The following LLGL2 variants were observed in gnomAD, a reference collection of about 807,000 sequenced individuals.
LLGL2 encodes LLGL2, scribble cell polarity complex component.
In LLGL2, 81 loss-of-function variants were observed where a neutral mutation model predicts 123.2. The ratio of observed to expected loss-of-function variants is 0.66; its 90% CI spans 0.55 to 0.79. The LOEUF (loss-of-function observed/expected upper bound fraction) is 0.79, where lower values mean the gene tolerates loss of function less well. Ranked by LOEUF, LLGL2 falls within the 30% of genes least tolerant of loss-of-function variation. LLGL2 has a pLI of 0.00. For missense variants in LLGL2, 1,273 were observed against 1,414.6 expected, an observed-to-expected ratio of 0.90 and a Z score of 1.61; for synonymous variants, 577 against 594.1, an observed-to-expected ratio of 0.97 and a Z score of 0.42.
chr17:75,558,626 G>A lies in LLGL2; in HGVS notation c.370G>A (p.Gly124Arg). Residue 124 changes from glycine (G) to arginine (R), a missense_variant and splice_region_variant, in exon 5 of 26, where the codon GGG becomes AGG. Gly to Arg is a moderately radical substitution (Grantham distance 125). Transcript: ENST00000392550. This position sits in a 1 kb window ranked among gnomAD's most constrained non-coding sequence, Gnocchi z 4.0. ...GAGCTTCACACTGCGTGGACCCCCA[G>A]GGTAAGGGCTCAATCCCCAGCCCCT... The part of the protein sequence containing the change: ...DESFTLRGPP[G>R]AAPSATQITV... The A allele has an allele frequency of 6.3e-7, 1 of 1,597,142 alleles. No individual in the cohort carries two copies. Among genetic ancestry groups the A allele is most frequent in the Non-Finnish European group, 8.5e-7 (1 of 1,172,110 alleles).
chr17:75,558,433 C>A lies in LLGL2; in HGVS notation c.256-79C>A. ...AGTGGCCAGGGGGTCTTTTAAACAA[C>A]TGGGGCTGCGTGGCCCCAGTGTGTA... On this transcript the variant is annotated intron_variant, in intron 4 of 25. Transcript: ENST00000392550. This position sits in a 1 kb window ranked among gnomAD's most constrained non-coding sequence, Gnocchi z 4.0. 1 of 1,307,278 alleles carries A rather than the reference C, an allele frequency of 7.6e-7. No individual in the cohort carries two copies. Among genetic ancestry groups the A allele is most frequent in the Non-Finnish European group, 1.1e-6 (1 of 941,904 alleles). 81.0% of individuals were successfully genotyped at this position (1,307,278 alleles called of 1,614,324 possible).
rs750227627 is a variant in LLGL2 at position 75,558,655 on chromosome 17, A to G, written c.371+28A>G. 6.5e-6 allele frequency: 10 copies of G among 1,529,612 alleles called. No individual in the cohort carries two copies. The South Asian group carries it at 7.1e-5, about 11-fold the overall frequency. The allele number at this position is 1,529,612 out of a possible 1,614,324, so 94.8% of individuals were successfully genotyped here. ...AAGGGCTCAATCCCCAGCCCCTTCC[A>G]CTCCCAGCCCAGCCTGACCCTTGCC... On this transcript the variant is annotated intron_variant, in intron 5 of 25. Coordinates refer to ENST00000392550, the MANE Select transcript of LLGL2 (RefSeq NM_001031803.2). This position sits in a 1 kb window ranked among gnomAD's most constrained non-coding sequence, Gnocchi z 4.0.
Position 75,549,095 on chromosome 17 carries a change from T to TA in LLGL2, c.75+5595dup, listed in dbSNP as rs754828795. Among the ~76,000 whole-genome samples the TA allele has an allele frequency of 7.9e-5, 12 of 152,052 alleles. No individual in the cohort carries two copies. Among genetic ancestry groups the TA allele is most frequent in the Non-Finnish European group, 1.5e-4 (10 of 67,994 alleles). ...CACCTGTGGTCTGGCTGTGTGGCCT[T>TA]AGAGTGGTGGCTTCACCTCCCTTCA... On this transcript the variant is annotated intron_variant, in intron 2 of 25. Coordinates refer to ENST00000392550, the MANE Select transcript of LLGL2 (RefSeq NM_001031803.2). The surrounding 1 kb of genome is among the most constrained non-coding windows in gnomAD (Gnocchi z 4.0).
chr17:75,570,415 A>C lies in LLGL2; in HGVS notation c.1942A>C (p.Lys648Gln). 6.2e-7 allele frequency: 1 copy of C among 1,609,448 alleles called. No individual in the cohort carries two copies. The highest frequency in any genetic ancestry group is 8.5e-7 in the Non-Finnish European group (1 of 1,178,598). Residue 648 changes from lysine to glutamine, a missense_variant, in exon 16 of 26, where the codon AAG becomes CAG. Coordinates refer to ENST00000392550, the MANE Select transcript of LLGL2 (RefSeq NM_001031803.2). ...ACTCTCCCGCGTCAAGTCCCTCAAG[A>C]AGTCCTTGCGTCAGTCATTCCGCCG... ...GPLSRVKSLKKSLRQSFRRMR... is the reference protein window; with the variant it reads ...GPLSRVKSLKQSLRQSFRRMR...
Position 75,558,069 on chromosome 17 carries a change from T to C in LLGL2, c.174-86T>C. 4 of 1,279,568 alleles carry C rather than the reference T, an allele frequency of 3.1e-6. No individual in the cohort carries two copies. The highest frequency in any genetic ancestry group is 3.4e-6 in the Non-Finnish European group (3 of 877,538). The allele number at this position is 1,279,568 out of a possible 1,614,324, so 79.3% of individuals were successfully genotyped here. A position where few individuals can be genotyped will look rare whatever the true frequency, so the allele number is the denominator to read the frequency against. On this transcript the variant is annotated intron_variant, in intron 3 of 25. Transcript: ENST00000392550. This position sits in a 1 kb window ranked among gnomAD's most constrained non-coding sequence, Gnocchi z 4.0. ...GCAGCCCCTCTCTGTGTTTGCATCA[T>C]TGCACATGGGCCCCGAGGGCCTGGC...
In LLGL2 at chr17:75,560,822, A is replaced by C. The variant is rs887980874; in HGVS notation, c.530+1412A>C. Among the ~76,000 whole-genome samples, 154 of 88,810 alleles carry C rather than the reference A, an allele frequency of 1.7e-3. 1 individual carries two copies. The highest frequency in any genetic ancestry group is 0.01 in the Middle Eastern group (2 of 196). 58.3% of individuals were successfully genotyped at this position (88,810 alleles called of 152,430 possible). On this transcript the variant is annotated intron_variant, in intron 6 of 25. Transcript: ENST00000392550. ...TTTATTAAAAAAAAAAAAAAAAAAA[A>C]AAAAAAAAAACAAAGAAAAAACATT...
chr17:75,570,618 TC>T, intron 16 of LLGL2, 120 bp downstream of exon 16: 1 of 1,277,972 alleles, frequency 7.8e-7, no homozygotes, highest in Non-Finnish European at 1.1e-6. Context: ...AGATTCAGGG[TC>T]CAGGTCGCAT....
At chr17:75,545,851 G>A (rs566808472) in intron 2 of LLGL2, among the ~76,000 whole-genome samples, 245 of 152,310 alleles carry the variant, frequency 1.6e-3, no homozygotes, top group Non-Finnish European at 1.2e-3. Context: ...AACGAGGCAT[G>A]AATTGAGCAG....
intron 1 of LLGL2, among the ~76,000 whole-genome samples, chr17:75,537,894 C>T (rs753372108): frequency 4.0e-5 from 6 of 151,458 alleles, no homozygotes; most frequent in African/African-American, 7.3e-5. Flanking sequence ...CTGCAGCCTC[C>T]GCCTCCTGGG....
At position 75,575,040 on chromosome 17, in the gene LLGL2, C is replaced by A; in HGVS notation, c.*162C>A. ...GCTCTGGGCCTCGGGAGAGGAGAGA[C>A]CCCAGTCCCCTGGGCTGCCCTTCCC... On this transcript the variant is annotated 3_prime_UTR_variant, in exon 26 of 26. Coordinates refer to ENST00000392550, the MANE Select transcript of LLGL2 (RefSeq NM_001031803.2). 1.1e-5 allele frequency: 11 copies of A among 971,504 alleles called. No individual in the cohort carries two copies. Among genetic ancestry groups the A allele is most frequent in the Non-Finnish European group, 1.8e-5 (11 of 610,182 alleles). 60.2% of individuals were successfully genotyped at this position (971,504 alleles called of 1,614,324 possible). A position where few individuals can be genotyped will look rare whatever the true frequency, so the allele number is the denominator to read the frequency against.
At chr17:75,542,469 A>G (rs2054252239) in intron 1 of LLGL2, among the ~76,000 whole-genome samples, 1 of 152,160 alleles carries the variant, frequency 6.6e-6, no homozygotes, top group South Asian at 2.1e-4. Flanking sequence ...TCCTGTGGTC[A>G]GCAGGAGGCT....
chr17:75,562,926 T>C (rs1425885165), intron 6 of LLGL2, 90 bp from the exon 7 acceptor site: 1 of 1,495,378 alleles, frequency 6.7e-7, no homozygotes, highest in Admixed American at 1.8e-5. Flanking sequence ...AGCAGCCACC[T>C]CTGCATAGGG....
rs1272644167 is a variant in LLGL2, at chr17:75,525,780, C to T, written c.-76C>T. 1 of 151,298 alleles carries T rather than the reference C, an allele frequency of 6.6e-6. No individual in the cohort carries two copies. The highest frequency in any genetic ancestry group is 1.9e-4 in the East Asian group (1 of 5,142). 9.4% of individuals were successfully genotyped at this position (151,298 alleles called of 1,614,324 possible). ...GAGCGAGCGGGGCCGGCGGCGGGCG[C>T]CGAGGGACGCCGAGGCCTCGGGCGG... On this transcript the variant is annotated 5_prime_UTR_variant, in exon 1 of 26. Transcript: ENST00000392550. This position sits in a 1 kb window ranked among gnomAD's most constrained non-coding sequence, Gnocchi z 4.8.
intron 6 of LLGL2, among the ~76,000 whole-genome samples, chr17:75,560,037 C>T (rs1428801316): frequency 6.6e-6 from 1 of 152,150 alleles, no homozygotes; most frequent in Non-Finnish European, 1.5e-5. Flanking sequence ...ATCTGTGGTT[C>T]CAAGGGGCAG....
upstream of LLGL2, among the ~76,000 whole-genome samples, chr17:75,525,424 C>T (rs1598482844): frequency 6.6e-6 from 1 of 152,116 alleles, no homozygotes; most frequent in East Asian, 2.0e-4. The surrounding 1 kb of genome is among the most constrained non-coding windows in gnomAD (Gnocchi z 4.8). Context: ...ACTATTTCCG[C>T]TTGCGGGAGG....
chr17:75,530,229 A>G (rs1292527251), intron 1 of LLGL2, among the ~76,000 whole-genome samples: 1 of 152,068 alleles, frequency 6.6e-6, no homozygotes, highest in Non-Finnish European at 1.5e-5. Context: ...CTGGCTGGGC[A>G]TTTTGGCTCA....
intron 1 of LLGL2, among the ~76,000 whole-genome samples, chr17:75,532,055 T>TACACACACAC (rs10526094): frequency 0.041 from 3,816 of 93,680 alleles, 204 homozygotes; most frequent in East Asian, 0.18. Flanking sequence ...TATGTATATA[T>TACACACACAC]ACACACACAC....
rs745990143 is a variant in LLGL2, at chr17:75,574,199, C to A, written c.2906-14C>A. ...GCCCAGGCGGGGCGCCCTGACCCGG[C>A]CTCTACCTTCCAGAGAAGCAGCCCG... On this transcript the variant is annotated splice_polypyrimidine_tract_variant and intron_variant, in intron 22 of 25. Coordinates refer to ENST00000392550, the MANE Select transcript of LLGL2 (RefSeq NM_001031803.2). 1 of 1,530,234 alleles carries A rather than the reference C, an allele frequency of 6.5e-7. No homozygotes were observed. Among genetic ancestry groups the A allele is most frequent in the Non-Finnish European group, 8.8e-7 (1 of 1,137,000 alleles). 94.8% of individuals were successfully genotyped at this position (1,530,234 alleles called of 1,614,324 possible). A position where few individuals can be genotyped will look rare whatever the true frequency, so the allele number is the denominator to read the frequency against.
At chr17:75,560,802 TAAAAAAAA>T (rs372940306) in intron 6 of LLGL2, among the ~76,000 whole-genome samples, 10 of 96,062 alleles carry the variant, frequency 1.0e-4, no homozygotes, top group African/African-American at 2.0e-4. Context: ...GTTTATTTAT[TAAAAAAAA>T]AAAAAAAAAA....
Sources: allele counts gnomAD v4.1 joint callset (sites outside exome capture counted in the v4.1 genomes callset), GRCh38; gene constraint gnomAD v4.1.1; non-coding constraint Gnocchi (gnomAD v3.1); transcripts MANE v1.5; gene names NCBI Gene and HGNC (gene_info 2026-07-23, HGNC 2026-07-21).